GARIN4: variants seen among roughly 807,000 people sequenced by gnomAD.
GARIN4 encodes the protein Golgi-associated RAB2 interactor protein 4.
the GARIN4 span, chr1:212,624,768 A>C: frequency 7.0e-7 from 1 of 1,438,742 alleles, no homozygotes; most frequent in Non-Finnish European, 9.1e-7. Flanking sequence ...GACCAGCTGC[A>C]GAGACATCTT....
chr1:212,624,694 C>T, the GARIN4 span: 1 of 1,190,518 alleles, frequency 8.4e-7, no homozygotes, highest in Non-Finnish European at 1.1e-6. Context: ...CTCCCACCCC[C>T]ACCCCGGCCT....
the GARIN4 span, chr1:212,625,923 G>A: frequency 6.2e-7 from 1 of 1,614,204 alleles, no homozygotes; most frequent in South Asian, 1.1e-5. Context: ...GGGGCTGCAG[G>A]CAAGTCCTCA....
At chr1:212,625,551 A>G in the GARIN4 span, 1 of 1,614,240 alleles carries the variant, frequency 6.2e-7, no homozygotes, top group Non-Finnish European at 8.5e-7. Flanking sequence ...CAAAGCCTCC[A>G]CATGGTCTCT....
At chr1:212,625,259 C>A in the GARIN4 span, 57,738 of 1,614,076 alleles carry the variant, frequency 0.036, 4,003 homozygotes, top group Admixed American at 0.3. Flanking sequence ...GAGGTTTGTA[C>A]GGATCTCTGT....
chr1:212,625,277 C>G, the GARIN4 span: 1 of 1,614,210 alleles, frequency 6.2e-7, no homozygotes, highest in Non-Finnish European at 8.5e-7. Flanking sequence ...TGTTCAAGAC[C>G]ATGAGAAACA....
chr1:212,626,060 G>A, the GARIN4 span: 36 of 1,614,190 alleles, frequency 2.2e-5, no homozygotes, highest in Admixed American at 1.5e-4. Flanking sequence ...GGGACCTCCC[G>A]TCTCCACCCG....
the GARIN4 span, chr1:212,626,589 G>A: frequency 6.2e-7 from 1 of 1,614,100 alleles, no homozygotes. Context: ...ACAGCAGAGG[G>A]TGGCCAGGGG....
chr1:212,625,571 G>A, the GARIN4 span: 1 of 1,614,186 alleles, frequency 6.2e-7, no homozygotes, highest in East Asian at 2.2e-5. Context: ...TGAGGTGTGT[G>A]GGGCCACCTC....
At chr1:212,625,076 C>T in the GARIN4 span, 27 of 1,614,000 alleles carry the variant, frequency 1.7e-5, no homozygotes, top group Middle Eastern at 1.6e-4. Flanking sequence ...CAACCGTGTC[C>T]GTATGGTGAC....
the GARIN4 span, chr1:212,626,440 G>C: frequency 6.2e-7 from 1 of 1,614,210 alleles, no homozygotes; most frequent in Non-Finnish European, 8.5e-7. Flanking sequence ...GTTCCAGCAA[G>C]GGACTTGGCA....
At chr1:212,625,442 G>A in the GARIN4 span, 4 of 1,614,050 alleles carry the variant, frequency 2.5e-6, no homozygotes, top group African/African-American at 5.3e-5. Flanking sequence ...TGGCATTCCA[G>A]CTGAAGACAT....
At chr1:212,625,555 G>T in the GARIN4 span, 1 of 1,614,174 alleles carries the variant, frequency 6.2e-7, no homozygotes, top group Non-Finnish European at 8.5e-7. Flanking sequence ...GCCTCCACAT[G>T]GTCTCTGAGG....
At chr1:212,624,734 C>A in the GARIN4 span, 1 of 1,412,960 alleles carries the variant, frequency 7.1e-7, no homozygotes. Context: ...CAGTGGGGGC[C>A]TGTGGGGTGG....
chr1:212,626,478 GAGCCAACCTTACT>G, the GARIN4 span: 8 of 1,614,248 alleles, frequency 5.0e-6, no homozygotes, highest in Non-Finnish European at 6.8e-6. Context: ...AGGAACGTCA[GAGCCAACCTTACT>G]ACAAAAGTAG....
At chr1:212,625,288 A>G in the GARIN4 span, 1 of 1,614,232 alleles carries the variant, frequency 6.2e-7, no homozygotes. Context: ...ATGAGAAACA[A>G]CAGCTGCGCC....
chr1:212,626,364 C>T, the GARIN4 span: 26 of 1,614,072 alleles, frequency 1.6e-5, no homozygotes, highest in South Asian at 3.3e-5. Flanking sequence ...GTCAGCCACA[C>T]GCCCATCTCA....
At chr1:212,624,936 T>C in the GARIN4 span, 2 of 1,613,772 alleles carry the variant, frequency 1.2e-6, no homozygotes, top group South Asian at 2.2e-5. Context: ...AGCATGAGCA[T>C]GTTCAACACC....
chr1:212,625,512 G>A, the GARIN4 span: 1 of 1,614,212 alleles, frequency 6.2e-7, no homozygotes, highest in Non-Finnish European at 8.5e-7. Context: ...AACCTTCAAG[G>A]AAAGGGGGAT....
At chr1:212,625,433 G>A in the GARIN4 span, 2 of 1,614,172 alleles carry the variant, frequency 1.2e-6, no homozygotes, top group East Asian at 2.2e-5. Context: ...CAGTACCTGT[G>A]GCATTCCAGC....
Sources: gnomAD v4.1 joint callset for allele counts on GRCh38, gnomAD v4.1.1 for gene constraint, MANE v1.5 for transcripts, NCBI Gene and HGNC (gene_info 2026-07-23, HGNC 2026-07-21) for gene names.